Variants in SLC46A3 observed in about 807,000 individuals in gnomAD.
SLC46A3 encodes the protein solute carrier family 46 member 3, also known as lysosomal proton-coupled steroid conjugate and bile acid symporter SLC46A3.
SLC46A3 carries 26 observed loss-of-function variants against 38.5 expected under a neutral mutation model. The observed-to-expected ratio is 0.68, with a 90% CI of 0.49 to 0.94. SLC46A3 has a LOEUF of 0.94. Ranked by LOEUF, SLC46A3 falls within the 40% of genes least tolerant of loss-of-function variation. The pLI is 0.00. For missense variants in SLC46A3, 510 were observed against 544.3 expected (o/e 0.94, Z 0.63); for synonymous variants, 185 against 192.5 (o/e 0.96, Z 0.32).
chr13:28,703,905 T>C (rs1268491573), intron 5 of SLC46A3, 38 bp downstream of exon 5: 12 of 1,571,804 alleles, frequency 7.6e-6, no homozygotes, highest in African/African-American at 1.4e-5. Context: ...ACTTAATCCA[T>C]ATACCCTCTG....
chr13:28,706,510 A>G (rs1253577880), intron 4 of SLC46A3, among the ~76,000 whole-genome samples: 1 of 152,246 alleles, frequency 6.6e-6, no homozygotes, highest in African/African-American at 2.4e-5. Flanking sequence ...ATTCAAAATA[A>G]GAAATGCCAA....
chr13:28,714,141 C>CAA (rs764114430), intron 2 of SLC46A3, among the ~76,000 whole-genome samples: 2 of 14,294 alleles, frequency 1.4e-4, no homozygotes, highest in Admixed American at 1.4e-3. Flanking sequence ...CCAAAAAATA[C>CAA]AAAAAAAAAA....
chr13:28,702,867 T>C (rs1885067105), intron 5 of SLC46A3, among the ~76,000 whole-genome samples: 1 of 152,164 alleles, frequency 6.6e-6, no homozygotes, highest in Non-Finnish European at 1.5e-5. Context: ...TACCCCAAAG[T>C]GCTTAGGAGA....
chr13:28,702,910 T>C (rs76934203), intron 5 of SLC46A3, among the ~76,000 whole-genome samples: 2,495 of 152,228 alleles, frequency 0.016, 74 homozygotes, highest in African/African-American at 0.058. Flanking sequence ...TGTGGCCCCA[T>C]TGCCTTGATT....
intron 2 of SLC46A3, among the ~76,000 whole-genome samples, chr13:28,714,635 G>C (rs529683622): frequency 6.6e-6 from 1 of 152,338 alleles, no homozygotes; most frequent in Non-Finnish European, 1.5e-5. Flanking sequence ...TGTAGTCTCC[G>C]CTACTTGGGA....
chr13:28,713,990 G>A (rs956628037), intron 2 of SLC46A3, among the ~76,000 whole-genome samples: 1 of 152,060 alleles, frequency 6.6e-6, no homozygotes, highest in African/African-American at 2.4e-5. Flanking sequence ...GTAAAGTGTG[G>A]TGATCAAAAA....
At position 28,713,680 on chromosome 13, in the gene SLC46A3, G is replaced by A. The variant is rs371043410; in HGVS notation, c.190-130C>T. On this transcript the variant is annotated intron_variant, in intron 2 of 5. Coordinates refer to ENST00000266943, the MANE Select transcript of SLC46A3 (RefSeq NM_181785.4). ...GGTGGGGAATCTCTGGTGGATGGGCGGGACTAATAGAGCTTACATTTTCAT... is the reference window on the plus strand; with the variant it reads ...GGTGGGGAATCTCTGGTGGATGGGCAGGACTAATAGAGCTTACATTTTCAT... 7.9e-6 allele frequency: 6 copies of A among 759,704 alleles called. No individual in the cohort carries two copies. The African/African-American group carries it at 8.8e-5, about 11-fold the overall frequency. 47.1% of individuals were successfully genotyped at this position (759,704 alleles called of 1,614,324 possible).
At chr13:28,707,478 G>A (rs895141354) in intron 4 of SLC46A3, among the ~76,000 whole-genome samples, 17 of 151,030 alleles carry the variant, frequency 1.1e-4, no homozygotes, top group African/African-American at 3.4e-4. Context: ...TAATGGGTGC[G>A]GCACACCAAC....
rs1885402829 is a variant in SLC46A3 at position 28,712,982 on chromosome 13, G to A, written c.758C>T (p.Ser253Phe). 1.9e-6 allele frequency: 3 copies of A among 1,613,180 alleles called. No homozygotes were observed. Among genetic ancestry groups the A allele is most frequent in the East Asian group, 2.2e-5 (1 of 44,878 alleles). ...ACAGAGCAAAAATCGTCTCTTACCA[G>A]AAGCATTCTTAAAAAGCATGTAAGT... is the stretch of plus-strand genomic sequence containing the variant. ...YRTYMLFKNA[S>F]GKRRFLLCLL... The change falls in exon 3 of 6, where the codon TCT becomes TTT. Residue 253 changes from serine to phenylalanine, a missense_variant. Coordinates refer to ENST00000266943, the MANE Select transcript of SLC46A3 (RefSeq NM_181785.4).
At chr13:28,711,172 C>A (rs1007412694) in intron 3 of SLC46A3, among the ~76,000 whole-genome samples, 29 of 152,276 alleles carry the variant, frequency 1.9e-4, no homozygotes, top group African/African-American at 7.0e-4. Context: ...CACCTGTAAT[C>A]CCAGCACTTT....
At chr13:28,705,332 G>T (rs930167158) in intron 4 of SLC46A3, among the ~76,000 whole-genome samples, 1 of 152,110 alleles carries the variant, frequency 6.6e-6, no homozygotes, top group Non-Finnish European at 1.5e-5. Flanking sequence ...AAGCTTGAGG[G>T]TTATCTTTCA....
intron 2 of SLC46A3, among the ~76,000 whole-genome samples, chr13:28,716,430 C>T (rs1041739266): frequency 1.3e-5 from 2 of 151,890 alleles, no homozygotes; most frequent in Admixed American, 6.6e-5. Flanking sequence ...GGTTCAGAGC[C>T]GTTTTGCTTA....
Position 28,710,702 on chromosome 13 carries a change from C to T in SLC46A3, c.1144+58G>A. 2.3e-6 allele frequency: 3 copies of T among 1,279,132 alleles called. No homozygotes were observed. In the South Asian group the frequency reaches 3.7e-5, roughly 16 times the overall value. The allele number at this position is 1,279,132 out of a possible 1,614,324, so 79.2% of individuals were successfully genotyped here. A position where few individuals can be genotyped will look rare whatever the true frequency, so the allele number is the denominator to read the frequency against. On this transcript the variant is annotated intron_variant, in intron 4 of 5. Transcript: ENST00000266943. Reference sequence around the variant, plus strand: ...TCTGAAGCATTAAACATTGATTGTACACAGATTTGAGTTTGTAAAGATGGT... The same window carrying T: ...TCTGAAGCATTAAACATTGATTGTATACAGATTTGAGTTTGTAAAGATGGT...
chr13:28,700,538 ATGCCCT>A lies in SLC46A3; in HGVS notation c.*953_*958del. The A allele has an allele frequency of 1.2e-5, 2 of 162,628 alleles. No individual in the cohort carries two copies. The highest frequency in any genetic ancestry group is 1.2e-4 in the Admixed American group (2 of 16,282). 10.1% of individuals were successfully genotyped at this position (162,628 alleles called of 1,614,324 possible). Reference sequence around the variant, plus strand: ...AGGAGTACAAGATCGTATTTTAAAAATGCCCTTAGCAGTATTTATAATTGAACAAGG... The same window carrying A: ...AGGAGTACAAGATCGTATTTTAAAAATAGCAGTATTTATAATTGAACAAGG... On this transcript the variant is annotated 3_prime_UTR_variant, in exon 6 of 6. Transcript: ENST00000266943.
intron 1 of SLC46A3, 90 bp from the exon 2 acceptor site, chr13:28,718,112 T>C: frequency 1.9e-6 from 2 of 1,045,762 alleles, no homozygotes; most frequent in Non-Finnish European, 2.8e-6. Flanking sequence ...TTTTGTGGAG[T>C]AAATGTTTAA....
chr13:28,715,870 G>A (rs555528387), intron 2 of SLC46A3, among the ~76,000 whole-genome samples: 5 of 151,994 alleles, frequency 3.3e-5, no homozygotes, highest in South Asian at 2.1e-4. Flanking sequence ...GACCGGGCAC[G>A]GTGGCTCACG....
intron 2 of SLC46A3, among the ~76,000 whole-genome samples, chr13:28,714,157 A>AATT (rs1555260405): frequency 5.6e-5 from 8 of 143,016 alleles, no homozygotes; most frequent in African/African-American, 7.8e-5. Flanking sequence ...AAAAAAAAAA[A>AATT]AACCTTTATT....
intron 5 of SLC46A3, among the ~76,000 whole-genome samples, chr13:28,702,422 A>T (rs1462293735): frequency 6.6e-6 from 1 of 152,186 alleles, no homozygotes; most frequent in Non-Finnish European, 1.5e-5. Flanking sequence ...TTTTTGACAA[A>T]ATTACTCATT....
chr13:28,712,932 A>C lies in SLC46A3; in HGVS notation c.808T>G (p.Tyr270Asp). The C allele has an allele frequency of 1.2e-6, 2 of 1,610,974 alleles. No homozygotes were observed. Among genetic ancestry groups the C allele is most frequent in the Non-Finnish European group, 1.7e-6 (2 of 1,179,304 alleles). ...GCAATGCCAATTACCACAAAAAAATAAGTGATTACTGTAAAAAGTAACAAA... is the reference window on the plus strand; with the variant it reads ...GCAATGCCAATTACCACAAAAAAATCAGTGATTACTGTAAAAAGTAACAAA... ...LCLLLFTVIT[Y>D]FFVVIGIAPI... The change falls in exon 3 of 6, where the codon TAT becomes GAT. Residue 270 changes from tyrosine to aspartate, a missense_variant. Coordinates refer to ENST00000266943, the MANE Select transcript of SLC46A3 (RefSeq NM_181785.4).
Sources: gnomAD v4.1 joint callset for allele counts (sites outside exome capture counted in the v4.1 genomes callset) on GRCh38, gnomAD v4.1.1 for gene constraint, MANE v1.5 for transcripts, NCBI Gene and HGNC (gene_info 2026-07-23, HGNC 2026-07-21) for gene names.